The following MYO5A variants were observed in gnomAD, a reference collection of about 807,000 sequenced individuals.
MYO5A encodes myosin VA.
MYO5A carries 98 observed loss-of-function variants against 249.7 expected under a neutral mutation model. The observed-to-expected ratio is 0.39, with a 90% CI of 0.33 to 0.46. The LOEUF (loss-of-function observed/expected upper bound fraction) is 0.46. Ranked by LOEUF, MYO5A falls within the 20% of genes least tolerant of loss-of-function variation. MYO5A has a pLI of 0.98. For synonymous variants in MYO5A, 778 were observed against 810.6 expected (o/e 0.96, Z 0.68); for missense variants, 1,696 against 2,308.8 (o/e 0.73, Z 5.44).
intron 1 of MYO5A, among the ~76,000 whole-genome samples, chr15:52,477,290 C>T (rs546278224): frequency 2.1e-3 from 326 of 152,240 alleles, no homozygotes; most frequent in Non-Finnish European, 4.0e-3. Context: ...GTTAGCCATT[C>T]GTCCAATCTT....
At chr15:52,380,384 CA>C (rs1207778077) in intron 16 of MYO5A, among the ~76,000 whole-genome samples, 1 of 151,668 alleles carries the variant, frequency 6.6e-6, no homozygotes, top group Non-Finnish European at 1.5e-5. Context: ...TGCAGTGAGC[CA>C]AGATCGCACC....
chr15:52,391,582 C>T (rs1007881911), intron 12 of MYO5A, among the ~76,000 whole-genome samples: 4 of 152,134 alleles, frequency 2.6e-5, no homozygotes, highest in Admixed American at 6.5e-5. Flanking sequence ...CTATTTAGAA[C>T]TGTTATTCAA....
intron 28 of MYO5A, among the ~76,000 whole-genome samples, chr15:52,349,122 GA>G (rs1430199829): frequency 6.6e-6 from 1 of 152,192 alleles, no homozygotes; most frequent in East Asian, 1.9e-4. Flanking sequence ...GAGTATGTGA[GA>G]GAATGACCCT....
Position 52,330,638 on chromosome 15 carries a change from A to G in MYO5A, c.4409-139T>C, listed in dbSNP as rs780063694. On this transcript the variant is annotated intron_variant, in intron 34 of 41. Transcript: ENST00000399233. ...TGCCACTTAATTGCCTTCTCTTAAAATAATTTTTTTCTGTTAAAATTGGGT... is the reference window on the plus strand; with the variant it reads ...TGCCACTTAATTGCCTTCTCTTAAAGTAATTTTTTTCTGTTAAAATTGGGT... The G allele has an allele frequency of 4.9e-6, 5 of 1,014,676 alleles. No individual in the cohort carries two copies. The Admixed American group carries it at 1.3e-4, about 26-fold the overall frequency. The allele number at this position is 1,014,676 out of a possible 1,614,324, so 62.9% of individuals were successfully genotyped here.
intron 41 of MYO5A, 102 bp from the exon 42 acceptor site, chr15:52,313,950 A>C: frequency 6.9e-7 from 1 of 1,456,236 alleles, no homozygotes; most frequent in Non-Finnish European, 9.5e-7. Flanking sequence ...ACTAATGAAG[A>C]ATGTTTACTT....
chr15:52,352,354 C>T (rs1162015035), intron 27 of MYO5A, among the ~76,000 whole-genome samples: 1 of 152,198 alleles, frequency 6.6e-6, no homozygotes, highest in Non-Finnish European at 1.5e-5. Flanking sequence ...CACCATGGTG[C>T]CTCATTTAGC....
intron 34 of MYO5A, among the ~76,000 whole-genome samples, chr15:52,332,224 T>C (rs1041321796): frequency 6.6e-6 from 1 of 152,174 alleles, no homozygotes; most frequent in Non-Finnish European, 1.5e-5. Context: ...ATATTTGGAC[T>C]CCATGTAACC....
rs2042959785 is a variant in MYO5A at position 52,405,384 on chromosome 15, T to G, written c.956A>C (p.Glu319Ala). The G allele has an allele frequency of 6.2e-7, 1 of 1,608,044 alleles. No individual in the cohort carries two copies. ...RQACTLLGISESHQMGIFRIL... is the reference protein window; with the variant it reads ...RQACTLLGISASHQMGIFRIL... ...TCGGAAAATTCCCATTTGATGAGAT[T>G]CACTAATTCCTGAAACAAGAGAGTG... Residue 319 changes from glutamate (E) to alanine (A), a missense_variant, in exon 9 of 42, where the codon GAA becomes GCA. By Grantham distance (107) the Glu-to-Ala change is moderately radical. Coordinates refer to ENST00000399233, the MANE Select transcript of MYO5A (RefSeq NM_001382347.1).
Position 52,353,883 on chromosome 15 carries a change from G to A in MYO5A, c.3555C>T (p.Arg1185=). The change falls in exon 26 of 42, where the codon CGC becomes CGT. Residue 1185 remains arginine (R), a synonymous_variant. Transcript: ENST00000399233. The part of the protein sequence containing the change: ...ELDRKEEQVL[R]SKAKEEERPQ... The stretch of plus-strand genomic sequence containing the variant: ...CTGTGCTGCGCACCTTGGCCTTGCT[G>A]CGGAGCACCTGCTCCTCCTTGCGGT... The A allele has an allele frequency of 6.2e-7, 1 of 1,614,006 alleles. No homozygotes were observed. Among genetic ancestry groups the A allele is most frequent in the Non-Finnish European group, 8.5e-7 (1 of 1,180,030 alleles).
At chr15:52,473,852 G>A (rs149188804) in intron 1 of MYO5A, among the ~76,000 whole-genome samples, 8 of 152,086 alleles carry the variant, frequency 5.3e-5, no homozygotes, top group African/African-American at 7.2e-5. Flanking sequence ...TTCTTTTGGC[G>A]TAGGATTGTC....
intron 32 of MYO5A, among the ~76,000 whole-genome samples, chr15:52,339,304 T>C (rs1385371318): frequency 2.0e-5 from 3 of 152,170 alleles, no homozygotes; most frequent in African/African-American, 4.8e-5. Flanking sequence ...TTATAGGTCA[T>C]TAAAAATGTT....
At chr15:52,421,606 A>G (rs1449618956) in intron 4 of MYO5A, among the ~76,000 whole-genome samples, 2 of 152,124 alleles carry the variant, frequency 1.3e-5, no homozygotes, top group African/African-American at 4.8e-5. Context: ...GTTACACCCC[A>G]CATCTCTTGA....
rs762079153 is a variant in MYO5A, at chr15:52,383,096, T to C, written c.2007A>G (p.Pro669=). The C allele has an allele frequency of 5.6e-6, 9 of 1,610,142 alleles. No homozygotes were observed. Among genetic ancestry groups the C allele is most frequent in the Non-Finnish European group, 7.6e-6 (9 of 1,176,510 alleles). ...GGTGGTTCAGAAATACTTACGTGAA[T>C]GGGAACTTGAAGTCATTAGGCTTGA... ...RCIKPNDFKF[P]FTFDEKRAVQ... is the part of the protein sequence containing the mutation. The change falls in exon 16 of 42, where the codon CCA becomes CCG. Residue 669 remains proline, a synonymous_variant. Transcript: ENST00000399233.
chr15:52,365,073 C>A (rs2040744138), intron 23 of MYO5A, among the ~76,000 whole-genome samples: 1 of 152,172 alleles, frequency 6.6e-6, no homozygotes, highest in Non-Finnish European at 1.5e-5. Flanking sequence ...GTAGTGTACT[C>A]TCTCAAAATG....
intron 1 of MYO5A, among the ~76,000 whole-genome samples, chr15:52,446,457 C>A (rs955286135): frequency 6.6e-6 from 1 of 152,242 alleles, no homozygotes; most frequent in East Asian, 1.9e-4. Flanking sequence ...GGTGCCGAGG[C>A]AAAAGCCTCC....
intron 1 of MYO5A, among the ~76,000 whole-genome samples, chr15:52,451,948 G>A (rs2076028299): frequency 6.6e-6 from 1 of 152,134 alleles, no homozygotes; most frequent in Non-Finnish European, 1.5e-5. Flanking sequence ...CATAGTGTCT[G>A]ATCTATAATA....
chr15:52,452,048 G>A (rs1210907313), intron 1 of MYO5A, among the ~76,000 whole-genome samples: 1 of 152,136 alleles, frequency 6.6e-6, no homozygotes, highest in East Asian at 1.9e-4. Flanking sequence ...AAAAAACAAT[G>A]TGTATGTCAG....
chr15:52,407,082 C>G (rs2043037996), intron 8 of MYO5A, among the ~76,000 whole-genome samples: 1 of 152,176 alleles, frequency 6.6e-6, no homozygotes, highest in South Asian at 2.1e-4. Flanking sequence ...CAAAGTTGCA[C>G]AACCATTACC....
At chr15:52,439,549 T>C (rs923737537) in intron 1 of MYO5A, among the ~76,000 whole-genome samples, 2 of 152,198 alleles carry the variant, frequency 1.3e-5, no homozygotes, top group Non-Finnish European at 2.9e-5. Context: ...GCAGCACATA[T>C]ATGTTGATTT....
Sources: gnomAD v4.1 joint callset for allele counts (sites outside exome capture counted in the v4.1 genomes callset) on GRCh38, gnomAD v4.1.1 for gene constraint, MANE v1.5 for transcripts, NCBI Gene and HGNC (gene_info 2026-07-23, HGNC 2026-07-21) for gene names.